THADA: variants seen among roughly 807,000 people sequenced by gnomAD.
THADA encodes the protein THADA armadillo repeat containing.
Under a neutral mutation model 219.8 loss-of-function variants are expected in THADA, and 213 were observed. The observed-to-expected ratio is 0.97, with a 90% confidence interval of 0.87 to 1.09. The LOEUF is 1.09. THADA is among the 50% of genes least tolerant of loss of function. The probability of loss-of-function intolerance (pLI) is 0.00; values close to 1 mark genes in which losing one functional copy is unlikely to be tolerated. For missense variants in THADA, 2,956 were observed against 2,311.3 expected (o/e 1.28, Z -5.72); for synonymous variants, 1,018 against 828.9 (o/e 1.23, Z -3.92).
intron 36 of THADA, chr2:43,233,091 CCCA>C: frequency 1.7e-6 from 1 of 574,450 alleles, no homozygotes; most frequent in Non-Finnish European, 3.1e-6. Flanking sequence ...TAGGCCTGAA[CCCA>C]CTGTTTCCAT....
intron 30 of THADA, among the ~76,000 whole-genome samples, chr2:43,332,255 AC>A (rs1665876221): frequency 6.6e-6 from 1 of 152,128 alleles, no homozygotes; most frequent in East Asian, 1.9e-4. Context: ...TAAAAAATTA[AC>A]CTTATCTAAT....
At chr2:43,235,910 C>A (rs1667981625) in intron 36 of THADA, among the ~76,000 whole-genome samples, 1 of 151,026 alleles carries the variant, frequency 6.6e-6, no homozygotes, top group Non-Finnish European at 1.5e-5. Context: ...GGGTTCATGC[C>A]ATTCTCCTGC....
At position 43,232,901 on chromosome 2, in the gene THADA, G is replaced by C; in HGVS notation, c.5297-19C>G. 1.3e-6 allele frequency: 2 copies of C among 1,599,940 alleles called. No individual in the cohort carries two copies. The highest frequency in any genetic ancestry group is 1.7e-4 in the Middle Eastern group (1 of 5,810). ...GCAAACTCTGCAAAGACAGGAGAAA[G>C]GTGAGCAATGAATATACTGCTCAGG... On this transcript the variant is annotated intron_variant, in intron 36 of 37. Coordinates refer to ENST00000405975, the MANE Select transcript of THADA (RefSeq NM_022065.5).
intron 30 of THADA, among the ~76,000 whole-genome samples, chr2:43,327,207 G>C (rs1398313070): frequency 1.3e-5 from 2 of 152,144 alleles, no homozygotes; most frequent in Admixed American, 6.5e-5. Flanking sequence ...AGGTGCAGCT[G>C]GCAGGCTCAT....
intron 22 of THADA, among the ~76,000 whole-genome samples, chr2:43,524,120 T>A (rs1692848986): frequency 2.0e-5 from 3 of 152,338 alleles, no homozygotes; most frequent in African/African-American, 7.2e-5. Flanking sequence ...AGGCAAGCAA[T>A]GATGTTTTTT....
At chr2:43,338,545 C>G (rs1322396681) in intron 30 of THADA, among the ~76,000 whole-genome samples, 2 of 152,194 alleles carry the variant, frequency 1.3e-5, no homozygotes, top group Non-Finnish European at 2.9e-5. Flanking sequence ...CTGGCAACCA[C>G]TATTCTACTT....
intron 20 of THADA, among the ~76,000 whole-genome samples, chr2:43,546,288 C>A (rs12712891): frequency 0.33 from 49,534 of 151,034 alleles, 8,480 homozygotes; most frequent in South Asian, 0.41. Flanking sequence ...CTTTACTTCC[C>A]ACTACGTGGT....
chr2:43,511,420 G>C lies in THADA; in HGVS notation c.3375-2640C>G, dbSNP rs56227216. 1.9e-3 allele frequency among the ~76,000 whole-genome samples: 285 copies of C among 152,294 alleles called. 1 individual carries two copies. The highest frequency in any genetic ancestry group is 3.1e-3 in the Non-Finnish European group (211 of 68,022). ...AGAAGGCAGGTCTGGAATGAGAGTA[G>C]AACATCTCACTATGCATCACCCTTC... On this transcript the variant is annotated intron_variant, in intron 22 of 37. Coordinates refer to ENST00000405975, the MANE Select transcript of THADA (RefSeq NM_022065.5).
chr2:43,482,984 A>G (rs1686419215), intron 26 of THADA, among the ~76,000 whole-genome samples: 1 of 152,218 alleles, frequency 6.6e-6, no homozygotes, highest in Non-Finnish European at 1.5e-5. Flanking sequence ...GGTCATCTCC[A>G]GTGGCAGCAA....
At chr2:43,273,019 C>T (rs1012553782) in intron 36 of THADA, among the ~76,000 whole-genome samples, 13 of 151,788 alleles carry the variant, frequency 8.6e-5, no homozygotes, top group African/African-American at 2.4e-4. Context: ...GAGGCCAAGG[C>T]GGGCAGATTA....
At chr2:43,517,531 C>G (rs1025932557) in intron 22 of THADA, among the ~76,000 whole-genome samples, 1 of 152,104 alleles carries the variant, frequency 6.6e-6, no homozygotes, top group Non-Finnish European at 1.5e-5. Flanking sequence ...CAGACTTTCA[C>G]TTTGTTAGGT....
At chr2:43,455,088 C>T (rs1408564751) in intron 26 of THADA, among the ~76,000 whole-genome samples, 1 of 152,174 alleles carries the variant, frequency 6.6e-6, no homozygotes, top group Non-Finnish European at 1.5e-5. Flanking sequence ...CCTTTCTGAA[C>T]TTCTGTAAGT....
chr2:43,495,012 A>G (rs936818408), intron 25 of THADA, among the ~76,000 whole-genome samples: 2 of 152,246 alleles, frequency 1.3e-5, no homozygotes, highest in Admixed American at 6.5e-5. Context: ...AAAAGTACAG[A>G]TGTAGCCAGC....
chr2:43,463,224 T>G (rs949780021), intron 26 of THADA: 8 of 152,200 alleles, frequency 5.3e-5, no homozygotes, highest in Non-Finnish European at 1.2e-4. Context: ...TAAGATGTGT[T>G]TATTCTGCAC....
Position 43,427,247 on chromosome 2 carries a change from A to C in THADA, c.4058+853T>G, listed in dbSNP as rs568094291. Among the ~76,000 whole-genome samples, 19 of 152,318 alleles carry C rather than the reference A, an allele frequency of 1.2e-4. No individual in the cohort carries two copies. The South Asian group carries it at 3.9e-3, about 32-fold the overall frequency. On this transcript the variant is annotated intron_variant, in intron 28 of 37. Coordinates refer to ENST00000405975, the MANE Select transcript of THADA (RefSeq NM_022065.5). ...TCTCGAACCCGTGGACAGAAGATACATACCAGAACCAAGCCTGCTCCGTGC... is the reference window on the plus strand; with the variant it reads ...TCTCGAACCCGTGGACAGAAGATACCTACCAGAACCAAGCCTGCTCCGTGC...
chr2:43,410,648 T>C (rs1676167673), intron 28 of THADA, among the ~76,000 whole-genome samples: 1 of 151,982 alleles, frequency 6.6e-6, no homozygotes, highest in South Asian at 2.1e-4. Flanking sequence ...ATGCATCCTG[T>C]ATGAGTCCGT....
intron 8 of THADA, among the ~76,000 whole-genome samples, chr2:43,580,298 C>T (rs868350826): frequency 2.0e-5 from 3 of 152,000 alleles, no homozygotes; most frequent in African/African-American, 7.2e-5. Flanking sequence ...CTTGGCCTCC[C>T]AAAGTGCTGG....
At chr2:43,295,756 T>C (rs1024693392) in intron 31 of THADA, among the ~76,000 whole-genome samples, 20 of 152,192 alleles carry the variant, frequency 1.3e-4, no homozygotes, top group African/African-American at 4.3e-4. Context: ...AAAATTTGCA[T>C]AGACTTGCAA....
intron 13 of THADA, among the ~76,000 whole-genome samples, chr2:43,570,800 A>G (rs1699207163): frequency 6.6e-6 from 1 of 151,788 alleles, no homozygotes; most frequent in African/African-American, 2.4e-5. Flanking sequence ...CACCCCATAA[A>G]TGTGTGTGCA....
Sources: allele counts gnomAD v4.1 joint callset (sites outside exome capture counted in the v4.1 genomes callset), GRCh38; gene constraint gnomAD v4.1.1; transcripts MANE v1.5; gene names NCBI Gene and HGNC (gene_info 2026-07-23, HGNC 2026-07-21).